Variants in CD99L2 observed in about 807,000 individuals in gnomAD.
The protein encoded by CD99L2 is CD99 molecule like 2, also known as CD99 antigen-like protein 2.
A neutral mutation model predicts 27.3 loss-of-function variants in CD99L2; 24 were observed. The ratio of observed to expected loss-of-function variants is 0.88; its 90% CI spans 0.64 to 1.24. CD99L2 has a LOEUF of 1.24. CD99L2 is among the 50% of genes most tolerant of loss of function. CD99L2 has a pLI of 0.00. For synonymous variants in CD99L2, 97 were observed against 87.9 expected, an observed-to-expected ratio of 1.10 and a Z score of -0.58; for missense variants, 255 against 221.6, an observed-to-expected ratio of 1.15 and a Z score of -0.96.
intron 1 of CD99L2, among the ~76,000 whole-genome samples, chrX:150,888,297 T>C (rs1359750145): frequency 1.8e-5 from 2 of 112,070 alleles, no homozygotes; most frequent in Non-Finnish European, 3.8e-5. Context: ...CATCAGCTGA[T>C]GGCTGGACAA....
chrX:150,768,573 C>T lies in CD99L2; in HGVS notation c.*461G>A, dbSNP rs41313414. 221 of 121,028 alleles carry T rather than the reference C, an allele frequency of 1.8e-3. 2 individuals carry two copies. The highest frequency in any genetic ancestry group is 6.2e-3 in the Admixed American group (68 of 10,893). The allele number at this position is 121,028 out of a possible 1,213,427, so 10.0% of individuals were successfully genotyped here. A position where few individuals can be genotyped will look rare whatever the true frequency, so the allele number is the denominator to read the frequency against. On this transcript the variant is annotated 3_prime_UTR_variant, in exon 11 of 11. Coordinates refer to ENST00000370377, the MANE Select transcript of CD99L2 (RefSeq NM_031462.4). ...CCAAGTGGGTGCAGGCTGAGCCCCC[C>T]ACCTGCAGCTCCTTGAGGCCACTGT...
At chrX:150,794,666 G>A (rs929727328) in intron 6 of CD99L2, among the ~76,000 whole-genome samples, 1 of 111,835 alleles carries the variant, frequency 8.9e-6, no homozygotes, top group African/African-American at 3.3e-5. Context: ...TATCCGAGAA[G>A]ATTATCCACA....
rs981141733 is a variant in CD99L2 at position 150,838,231 on chromosome X, G to A, written c.68-6938C>T. ...CATTAAAACCAGAGTTTGAGAAACCGGCATAGCCTGAGAAGCTTAAGAAGA... is the reference window on the plus strand; with the variant it reads ...CATTAAAACCAGAGTTTGAGAAACCAGCATAGCCTGAGAAGCTTAAGAAGA... On this transcript the variant is annotated intron_variant, in intron 1 of 10. Coordinates refer to ENST00000370377, the MANE Select transcript of CD99L2 (RefSeq NM_031462.4). Among the ~76,000 whole-genome samples, 5 of 112,080 alleles carry A rather than the reference G, an allele frequency of 4.5e-5. No individual in the cohort carries two copies. In the East Asian group the frequency reaches 8.4e-4, roughly 19 times the overall value.
intron 2 of CD99L2, among the ~76,000 whole-genome samples, chrX:150,821,723 C>T (rs2046245327): frequency 8.9e-6 from 1 of 111,865 alleles, no homozygotes; most frequent in South Asian, 3.7e-4. Flanking sequence ...AGACAATCTA[C>T]AAAATAGGAG....
chrX:150,896,996 C>T (rs1218751728), intron 1 of CD99L2, among the ~76,000 whole-genome samples: 4 of 112,346 alleles, frequency 3.6e-5, no homozygotes, highest in Non-Finnish European at 7.5e-5. Context: ...ACCTTCTCAA[C>T]GGGCACACCA....
intron 1 of CD99L2, among the ~76,000 whole-genome samples, chrX:150,881,220 G>A (rs1380952196): frequency 2.7e-5 from 3 of 110,918 alleles, no homozygotes; most frequent in Non-Finnish European, 5.7e-5. Flanking sequence ...AAACTGTCCC[G>A]CCTTGGAAAT....
chrX:150,889,450 G>C (rs782597080), intron 1 of CD99L2, among the ~76,000 whole-genome samples: 2 of 109,317 alleles, frequency 1.8e-5, no homozygotes, highest in South Asian at 3.8e-4. Context: ...ACCATCCCAG[G>C]CTAGTTGAAG....
intron 4 of CD99L2, among the ~76,000 whole-genome samples, chrX:150,803,462 C>T (rs2045949854): frequency 9.0e-6 from 1 of 111,504 alleles, no homozygotes; most frequent in South Asian, 3.7e-4. Context: ...AAGGCACAGG[C>T]CCTAGAAGAA....
intron 1 of CD99L2, among the ~76,000 whole-genome samples, chrX:150,875,158 C>A (rs2047210572): frequency 8.9e-6 from 1 of 111,858 alleles, no homozygotes; most frequent in South Asian, 3.7e-4. Context: ...ATTCCTAAAG[C>A]ATTATATTAT....
intron 1 of CD99L2, among the ~76,000 whole-genome samples, chrX:150,838,391 T>A (rs73609598): frequency 9.0e-6 from 1 of 111,471 alleles, no homozygotes; most frequent in African/African-American, 3.3e-5. Context: ...CTATATTGGT[T>A]CATTAACTGT....
intron 4 of CD99L2, among the ~76,000 whole-genome samples, chrX:150,800,987 C>T (rs374574969): frequency 1.8e-5 from 2 of 109,011 alleles, no homozygotes; most frequent in East Asian, 2.9e-4. Context: ...GCCGAGACCA[C>T]GCCATTGCAC....
chrX:150,832,394 T>A (rs1277884351), intron 1 of CD99L2, among the ~76,000 whole-genome samples: 1 of 110,069 alleles, frequency 9.1e-6, no homozygotes, highest in Middle Eastern at 4.4e-3. Context: ...CAGGCCAAGG[T>A]GGGTAGATCA....
intron 1 of CD99L2, among the ~76,000 whole-genome samples, chrX:150,883,512 T>C (rs1163262938): frequency 9.0e-6 from 1 of 111,113 alleles, no homozygotes; most frequent in Admixed American, 9.6e-5. Flanking sequence ...CCCAGAGGAT[T>C]GCAAGAAAGG....
intron 7 of CD99L2, among the ~76,000 whole-genome samples, chrX:150,777,986 C>G (rs1415075029): frequency 1.8e-5 from 2 of 112,036 alleles, no homozygotes; most frequent in South Asian, 3.7e-4. Context: ...TCAAAAGGAT[C>G]TGAAGTATCA....
Position 150,898,582 on chromosome X carries a change from C to G in CD99L2, c.7G>C (p.Ala3Pro). ...CAGACAAGGAACGCCGAGCGCCAGG[C>G]CACCATGGCTGGGAGCAGGCGGAGG... MV[A>P]WRSAFLVCLA... is the part of the protein sequence containing the mutation. Residue 3 changes from alanine (A) to proline (P), a missense_variant, in exon 1 of 11, where the codon GCC (alanine) becomes CCC (proline). Ala to Pro is a conservative substitution (Grantham distance 27). Transcript: ENST00000370377. The G allele has an allele frequency of 9.0e-7, 1 of 1,112,266 alleles. No individual in the cohort carries two copies. Among genetic ancestry groups the G allele is most frequent in the Non-Finnish European group, 1.2e-6 (1 of 848,908 alleles). 91.7% of individuals were successfully genotyped at this position (1,112,266 alleles called of 1,213,427 possible).
chrX:150,809,062 C>T (rs971549684), intron 4 of CD99L2, among the ~76,000 whole-genome samples: 11 of 110,942 alleles, frequency 9.9e-5, no homozygotes, highest in African/African-American at 3.3e-4. Flanking sequence ...GAAGTAACCA[C>T]AAGCCAAGAA....
At chrX:150,791,116 T>C (rs1557419699) in intron 7 of CD99L2, among the ~76,000 whole-genome samples, 2 of 112,018 alleles carry the variant, frequency 1.8e-5, no homozygotes, top group Non-Finnish European at 3.8e-5. Context: ...TATCTATCCA[T>C]GACTTGGTCT....
chrX:150,813,965 A>C (rs1201069095), intron 4 of CD99L2, among the ~76,000 whole-genome samples: 1 of 112,453 alleles, frequency 8.9e-6, no homozygotes, highest in Non-Finnish European at 1.9e-5. Context: ...TTAGAACTTC[A>C]AAAACATCTT....
chrX:150,815,767 G>A (rs1019888013), intron 3 of CD99L2, among the ~76,000 whole-genome samples: 2 of 112,342 alleles, frequency 1.8e-5, no homozygotes, highest in Non-Finnish European at 3.8e-5. Flanking sequence ...AGGGGAAGAA[G>A]TCCAAATGCA....
Sources: gnomAD v4.1 joint callset for allele counts (sites outside exome capture counted in the v4.1 genomes callset) on GRCh38, gnomAD v4.1.1 for gene constraint, MANE v1.5 for transcripts, NCBI Gene and HGNC (gene_info 2026-07-23, HGNC 2026-07-21) for gene names.